The following GPC5 variants were observed in gnomAD, a reference collection of about 807,000 sequenced individuals.
The protein encoded by GPC5 is glypican 5.
A neutral mutation model predicts 53.9 loss-of-function variants in GPC5; 47 were observed. The ratio of observed to expected loss-of-function variants is 0.87; its 90% CI spans 0.69 to 1.11. GPC5 has a LOEUF of 1.11. Among genes scored for constraint, GPC5 ranks in the 50% most tolerant of loss-of-function variants. The probability of loss-of-function intolerance (pLI) is 0.00; values close to 1 mark genes in which losing one functional copy is unlikely to be tolerated. For synonymous variants in GPC5, 286 were observed against 263.3 expected, an observed-to-expected ratio of 1.09 and a Z score of -0.84; for missense variants, 748 against 713.1, an observed-to-expected ratio of 1.05 and a Z score of -0.56.
At chr13:92,783,366 A>G (rs972820663) in intron 7 of GPC5, among the ~76,000 whole-genome samples, 4 of 152,146 alleles carry the variant, frequency 2.6e-5, no homozygotes, top group Non-Finnish European at 5.9e-5. Flanking sequence ...ACTGGATTAA[A>G]TGTTTGATGA....
At chr13:92,139,894 C>T (rs1448486054) in intron 6 of GPC5, among the ~76,000 whole-genome samples, 1 of 151,886 alleles carries the variant, frequency 6.6e-6, no homozygotes, top group Non-Finnish European at 1.5e-5. Flanking sequence ...ATAAATAAAT[C>T]AAAATAGATG....
intron 7 of GPC5, among the ~76,000 whole-genome samples, chr13:92,759,070 C>T (rs539755271): frequency 2.8e-4 from 35 of 126,166 alleles, no homozygotes; most frequent in African/African-American, 9.3e-4. Flanking sequence ...GGACTATTTC[C>T]GGACTTTCTA....
At position 92,480,906 on chromosome 13, in the gene GPC5, TAAGA is replaced by T. The variant is rs150928308; in HGVS notation, c.1561+335922_1561+335925del. On this transcript the variant is annotated intron_variant, in intron 7 of 7. Coordinates refer to ENST00000377067, the MANE Select transcript of GPC5 (RefSeq NM_004466.6). ...ACCCTGGAAGCAGAATGATGTGGAT[TAAGA>T]AAGACTCACCTAGCGATTGCTGGTT... is the stretch of plus-strand genomic sequence containing the variant. Among the ~76,000 whole-genome samples the T allele has an allele frequency of 5.8e-3, 890 of 152,246 alleles. 14 individuals are homozygous for T. The highest frequency in any genetic ancestry group is 0.02 in the African/African-American group (839 of 41,542).
rs569512337 is a variant in GPC5 at position 91,693,674 on chromosome 13, G to T, written c.813G>T (p.Met271Ile). The T allele has an allele frequency of 6.2e-7, 1 of 1,614,120 alleles. No individual in the cohort carries two copies. The highest frequency in any genetic ancestry group is 8.5e-7 in the Non-Finnish European group (1 of 1,180,006). Residue 271 changes from methionine to isoleucine, a missense_variant, in exon 3 of 8, where the codon ATG (methionine) becomes ATT (isoleucine). Transcript: ENST00000377067. ...GCCTGGCGCTCACTAAGCCTTGTAT[G>T]GGATACTGCCTCAATGTCATGCGAG... is the stretch of plus-strand genomic sequence containing the variant. ...CQGLALTKPCMGYCLNVMRGC... is the reference protein window; with the variant it reads ...CQGLALTKPCIGYCLNVMRGC...
intron 5 of GPC5, among the ~76,000 whole-genome samples, chr13:91,817,935 T>C (rs1396487810): frequency 2.6e-5 from 4 of 152,154 alleles, no homozygotes; most frequent in Non-Finnish European, 5.9e-5. Context: ...ACAACTATAA[T>C]TGGATTTTTG....
At chr13:92,013,225 G>C (rs1394578669) in intron 6 of GPC5, among the ~76,000 whole-genome samples, 1 of 152,216 alleles carries the variant, frequency 6.6e-6, no homozygotes, top group Non-Finnish European at 1.5e-5. Context: ...TGATCAATTG[G>C]ACACTTGAAG....
chr13:91,782,993 GA>G (rs551543138), intron 5 of GPC5, among the ~76,000 whole-genome samples: 6 of 147,226 alleles, frequency 4.1e-5, no homozygotes, highest in South Asian at 2.1e-4. Flanking sequence ...CATTGATTTT[GA>G]AAAAAAAAAC....
chr13:91,956,452 A>G (rs1478443995), intron 6 of GPC5, among the ~76,000 whole-genome samples: 1 of 152,130 alleles, frequency 6.6e-6, no homozygotes, highest in East Asian at 1.9e-4. Context: ...CATACTGCCT[A>G]GAAGCTTGAG....
chr13:92,611,282 A>G (rs1359878218), intron 7 of GPC5, among the ~76,000 whole-genome samples: 1 of 152,174 alleles, frequency 6.6e-6, no homozygotes, highest in Non-Finnish European at 1.5e-5. Flanking sequence ...ACAAAGAAAA[A>G]GAGGACTTTC....
intron 7 of GPC5, among the ~76,000 whole-genome samples, chr13:92,443,674 A>T (rs1877671879): frequency 6.6e-6 from 1 of 152,222 alleles, no homozygotes; most frequent in Admixed American, 6.5e-5. Context: ...GCAAGGTAGT[A>T]ATGATAATAT....
intron 7 of GPC5, among the ~76,000 whole-genome samples, chr13:92,513,625 G>A (rs918053352): frequency 6.7e-6 from 1 of 148,720 alleles, no homozygotes; most frequent in Admixed American, 6.7e-5. Flanking sequence ...TCAATAAATG[G>A]TTTTACAGGT....
chr13:92,685,386 T>A (rs1435754707), intron 7 of GPC5, among the ~76,000 whole-genome samples: 1 of 152,060 alleles, frequency 6.6e-6, no homozygotes, highest in Non-Finnish European at 1.5e-5. Flanking sequence ...TGAGCCACTG[T>A]AGCCAGCCAG....
intron 2 of GPC5, among the ~76,000 whole-genome samples, chr13:91,522,226 G>C (rs142117122): frequency 2.5e-3 from 385 of 152,234 alleles, no homozygotes; most frequent in Non-Finnish European, 4.7e-3. Context: ...CTCTCCACAG[G>C]TTGCGGGTGG....
At chr13:92,096,433 A>C (rs562873961) in intron 6 of GPC5, among the ~76,000 whole-genome samples, 27 of 152,338 alleles carry the variant, frequency 1.8e-4, no homozygotes, top group African/African-American at 6.0e-4. Flanking sequence ...TGTGATTGGC[A>C]GCATAATTCT....
chr13:92,091,294 T>A (rs2041378400), intron 6 of GPC5, among the ~76,000 whole-genome samples: 1 of 152,154 alleles, frequency 6.6e-6, no homozygotes, highest in South Asian at 2.1e-4. Context: ...ACAGAATCAG[T>A]TACTTAAAAA....
chr13:91,410,439 A>G (rs866465870), intron 1 of GPC5, among the ~76,000 whole-genome samples: 10 of 138,798 alleles, frequency 7.2e-5, no homozygotes, highest in Non-Finnish European at 1.4e-4. Flanking sequence ...TCCGCCTGCC[A>G]GGTTCGTGCC....
chr13:91,628,504 ATCTC>A (rs960602473), intron 2 of GPC5, among the ~76,000 whole-genome samples: 4 of 118,246 alleles, frequency 3.4e-5, no homozygotes, highest in Admixed American at 3.0e-4. Flanking sequence ...CTGTCTGTCT[ATCTC>A]TCTATCTATC....
At chr13:91,842,440 C>T (rs2038797859) in intron 5 of GPC5, among the ~76,000 whole-genome samples, 1 of 149,504 alleles carries the variant, frequency 6.7e-6, no homozygotes, top group South Asian at 2.2e-4. Flanking sequence ...CGGTGGCTCA[C>T]GCCTGTAATC....
chr13:92,560,058 T>C (rs572878535), intron 7 of GPC5, among the ~76,000 whole-genome samples: 2 of 151,794 alleles, frequency 1.3e-5, no homozygotes, highest in Non-Finnish European at 2.9e-5. Flanking sequence ...TTGTTTGTTA[T>C]CCAGAATATG....
Sources: gnomAD v4.1 joint callset for allele counts (sites outside exome capture counted in the v4.1 genomes callset) on GRCh38, gnomAD v4.1.1 for gene constraint, MANE v1.5 for transcripts, NCBI Gene and HGNC (gene_info 2026-07-23, HGNC 2026-07-21) for gene names.